HGS: variants seen among roughly 807,000 people sequenced by gnomAD.
HGS encodes the protein hepatocyte growth factor-regulated tyrosine kinase substrate, also known as human growth factor-regulated tyrosine kinase substrate.
Under a neutral mutation model 109.7 loss-of-function variants are expected in HGS, and 63 were observed. That is an observed-to-expected ratio of 0.57 (90% CI 0.47 to 0.71). HGS has a LOEUF of 0.71. HGS is among the 30% of genes least tolerant of loss of function. The pLI is 0.00. For synonymous variants in HGS, 546 were observed against 437.3 expected, an observed-to-expected ratio of 1.25 and a Z score of -3.10; for missense variants, 995 against 1,068.3, an observed-to-expected ratio of 0.93 and a Z score of 0.96.
intron 4 of HGS, among the ~76,000 whole-genome samples, chr17:81,688,420 T>G (rs1268527760): frequency 6.6e-6 from 1 of 152,130 alleles, no homozygotes; most frequent in African/African-American, 2.4e-5. Context: ...GAACCGGGGA[T>G]CCTGGGGTGG....
At position 81,687,035 on chromosome 17, in the gene HGS, G is replaced by A. The variant is rs765913586; in HGVS notation, c.231G>A (p.Gln77=). 6.8e-6 allele frequency: 11 copies of A among 1,613,294 alleles called. No individual in the cohort carries two copies. The East Asian group carries it at 2.0e-4, about 29-fold the overall frequency. The change falls in exon 4 of 22, where the codon CAG becomes CAA. Residue 77 remains glutamine, a synonymous_variant. Transcript: ENST00000329138. The stretch of plus-strand genomic sequence containing the variant: ...AATCTGTGGTAAAGAACTGTGGCCA[G>A]ACAGTTCATGATGAGGTGGCCAACA... ...VMESVVKNCG[Q]TVHDEVANKQ... is the part of the protein sequence containing the mutation.
chr17:81,688,240 A>C (rs2037010925), intron 4 of HGS, among the ~76,000 whole-genome samples: 1 of 151,976 alleles, frequency 6.6e-6, no homozygotes, highest in Non-Finnish European at 1.5e-5. Flanking sequence ...GGGGGTCTGG[A>C]GCCCGCTCTG....
At chr17:81,686,490 G>A in intron 3 of HGS, 103 bp downstream of exon 3, 1 of 790,660 alleles carries the variant, frequency 1.3e-6, no homozygotes, top group Non-Finnish European at 2.2e-6. Context: ...ACCTCCCTGG[G>A]CATACATCAA....
chr17:81,687,201 T>C, intron 4 of HGS, 106 bp downstream of exon 4: 4 of 770,272 alleles, frequency 5.2e-6, no homozygotes, highest in Admixed American at 2.0e-5. Context: ...TGGCGGAAAA[T>C]GTGCAGGTGC....
chr17:81,695,350 C>G, intron 14 of HGS, 127 bp downstream of exon 14: 5 of 994,298 alleles, frequency 5.0e-6, no homozygotes, highest in Non-Finnish European at 7.6e-6. Flanking sequence ...TGCCCCAGCC[C>G]AGCCCTGGCC....
In HGS at chr17:81,693,930, G is replaced by C. The variant is rs762337062; in HGVS notation, c.901G>C (p.Ala301Pro). ...GGAGCCCATGCCCTCGGCCTCCTCA[G>C]CGCCCCCCGCCAGCAGCCTGTACTC... ...KAEPMPSASS[A>P]PPASSLYSSP... Residue 301 changes from alanine to proline, a missense_variant, in exon 11 of 22, where the codon GCG becomes CCG. By Grantham distance (27) the Ala-to-Pro change is conservative. Around this residue, in one of 6 missense-constraint regions of HGS, gnomAD observed 300 missense variants for 235.4 expected, o/e 1.27. Transcript: ENST00000329138. The C allele has an allele frequency of 1.2e-6, 2 of 1,611,402 alleles. No homozygotes were observed. The highest frequency in any genetic ancestry group is 2.7e-5 in the African/African-American group (2 of 75,026).
intron 2 of HGS, 97 bp downstream of exon 2, chr17:81,685,786 G>T: frequency 2.4e-6 from 2 of 850,056 alleles, no homozygotes; most frequent in Non-Finnish European, 3.8e-6. Flanking sequence ...GTAGCTGACC[G>T]TGTTAGGCTC....
At chr17:81,701,205 C>G in intron 21 of HGS, 74 bp downstream of exon 21, 3 of 1,329,946 alleles carry the variant, frequency 2.3e-6, no homozygotes, top group South Asian at 1.2e-5. Flanking sequence ...AATGGGACCC[C>G]TGGCCCCAGT....
At chr17:81,697,498 C>T (rs1301020066) in intron 18 of HGS, 3 of 152,860 alleles carry the variant, frequency 2.0e-5, no homozygotes, top group African/African-American at 7.2e-5. Flanking sequence ...GACCATAAGG[C>T]TGTGCTTTTC....
Position 81,691,758 on chromosome 17 carries a change from T to TCCGA in HGS, c.662+187_662+188insCCGA. The TCCGA allele has an allele frequency of 1.5e-6, 1 of 652,462 alleles. No homozygotes were observed. The highest frequency in any genetic ancestry group is 2.0e-5 in the South Asian group (1 of 49,972). 40.4% of individuals were successfully genotyped at this position (652,462 alleles called of 1,614,324 possible). Reference sequence around the variant, plus strand: ...GGACCCTGCCCCACACTAGGGCAGGTGGGTGTGAGAGACAGGGCGCCGCGG... The same window carrying TCCGA: ...GGACCCTGCCCCACACTAGGGCAGGTCCGAGGGTGTGAGAGACAGGGCGCCGCGG... On this transcript the variant is annotated intron_variant, in intron 8 of 21. Transcript: ENST00000329138. This position sits in a 1 kb window ranked among gnomAD's most constrained non-coding sequence, Gnocchi z 5.3.
In HGS at chr17:81,700,558, C is replaced by G. The variant is rs370738298; in HGVS notation, c.1974C>G (p.Pro658=). ...CCCAGGCCGGACCCACCGCCAGCCC[C>G]GCTTACTCATCCTACCAGCCTACTC... ...PQAQAGPTAS[P]AYSSYQPTPT... The change falls in exon 19 of 22, where the codon CCC becomes CCG. Residue 658 remains proline, a synonymous_variant. Transcript: ENST00000329138. 2 of 1,610,710 alleles carry G rather than the reference C, an allele frequency of 1.2e-6. No homozygotes were observed. Among genetic ancestry groups the G allele is most frequent in the African/African-American group, 2.7e-5 (2 of 74,864 alleles).
intron 6 of HGS, 91 bp from the exon 7 acceptor site, chr17:81,690,583 G>C: frequency 7.7e-7 from 1 of 1,301,046 alleles, no homozygotes; most frequent in Non-Finnish European, 1.1e-6. Context: ...TCCTCTCTGG[G>C]TCCGTTGCCT....
chr17:81,698,860 G>C (rs1568219165), intron 18 of HGS, among the ~76,000 whole-genome samples: 1 of 152,220 alleles, frequency 6.6e-6, no homozygotes, highest in Non-Finnish European at 1.5e-5. Flanking sequence ...CCTGAGGTCA[G>C]GAGTTGGAGA....
intron 15 of HGS, 137 bp downstream of exon 15, chr17:81,696,136 C>G: frequency 1.1e-6 from 1 of 928,786 alleles, no homozygotes; most frequent in Non-Finnish European, 1.6e-6. Flanking sequence ...CAGAGAGTGT[C>G]AACAGGAGGT....
rs763118127 is a variant in HGS, at chr17:81,697,039, C to T, written c.1882+41C>T. ...GGCAGAGACCATGCCTTTTATCCCT[C>T]GTCTTTATTTTAGCCGAATTTACAG... On this transcript the variant is annotated intron_variant, in intron 18 of 21. Transcript: ENST00000329138. The T allele has an allele frequency of 1.1e-4, 158 of 1,498,200 alleles. No individual in the cohort carries two copies. In the Middle Eastern group the frequency reaches 1.4e-3, roughly 14 times the overall value. 92.8% of individuals were successfully genotyped at this position (1,498,200 alleles called of 1,614,324 possible).
rs555312941 is a variant in HGS at position 81,701,313 on chromosome 17, G to A, written c.2223+182G>A. 1,181 of 790,102 alleles carry A rather than the reference G, an allele frequency of 1.5e-3. 6 individuals carry two copies. Among genetic ancestry groups the A allele is most frequent in the South Asian group, 3.1e-3 (183 of 58,884 alleles). 48.9% of individuals were successfully genotyped at this position (790,102 alleles called of 1,614,324 possible). On this transcript the variant is annotated intron_variant, in intron 21 of 21. Coordinates refer to ENST00000329138, the MANE Select transcript of HGS (RefSeq NM_004712.5). ...GACACAAGTCTCAGGGCAGATACGC[G>A]CATCCGCAAGTGTAGACAGGAAAAA...
Position 81,691,644 on chromosome 17 carries a change from C to T in HGS, c.662+73C>T. 6.3e-7 allele frequency: 1 copy of T among 1,592,874 alleles called. No homozygotes were observed. The highest frequency in any genetic ancestry group is 8.6e-7 in the Non-Finnish European group (1 of 1,165,586). On this transcript the variant is annotated intron_variant, in intron 8 of 21. Transcript: ENST00000329138. The surrounding 1 kb of genome is among the most constrained non-coding windows in gnomAD (Gnocchi z 5.3). Reference sequence around the variant, plus strand: ...GGCTGGGTTTTCTGTCCCTCTTGGCCATGGTGCCTGAGGCCTGCAGACCCC... The same window carrying T: ...GGCTGGGTTTTCTGTCCCTCTTGGCTATGGTGCCTGAGGCCTGCAGACCCC...
Position 81,696,533 on chromosome 17 carries a change from C to T in HGS, c.1566+4C>T, listed in dbSNP as rs765632436. On this transcript the variant is annotated splice_donor_region_variant and intron_variant, in intron 16 of 21. Transcript: ENST00000329138. ...GATAATGCGGCAGAAGAAGCAGGTG[C>T]AGTGGCTGCCCAGCCACAGGCCGGG... The T allele has an allele frequency of 6.2e-5, 95 of 1,532,308 alleles. No homozygotes were observed. Among genetic ancestry groups the T allele is most frequent in the Non-Finnish European group, 8.2e-5 (93 of 1,137,280 alleles). 94.9% of individuals were successfully genotyped at this position (1,532,308 alleles called of 1,614,324 possible).
At chr17:81,684,176 C>T in intron 1 of HGS, 73 bp downstream of exon 1, 1 of 1,284,246 alleles carries the variant, frequency 7.8e-7, no homozygotes, top group South Asian at 1.8e-5. Flanking sequence ...TCAGCGCGGC[C>T]CCGAGGGCCC....
Sources: allele counts gnomAD v4.1 joint callset (sites outside exome capture counted in the v4.1 genomes callset), GRCh38; gene constraint gnomAD v4.1.1; regional missense constraint gnomAD v4.1.1; non-coding constraint Gnocchi (gnomAD v3.1); transcripts MANE v1.5; gene names NCBI Gene and HGNC (gene_info 2026-07-23, HGNC 2026-07-21).